GPHN: variants seen among roughly 807,000 people sequenced by gnomAD.
GPHN encodes the protein gephyrin.
In GPHN, 17 loss-of-function variants were observed where a neutral mutation model predicts 95.5. The ratio of observed to expected loss-of-function variants is 0.18; its 90% CI spans 0.12 to 0.27. The LOEUF is 0.27. Among genes scored for constraint, GPHN ranks in the 10% least tolerant of loss-of-function variants. GPHN has a pLI of 1.00. For missense variants in GPHN, 660 were observed against 978.1 expected (o/e 0.67, Z 4.34); for synonymous variants, 320 against 322.5 (o/e 0.99, Z 0.08).
At position 66,867,123 on chromosome 14, in the gene GPHN, A is replaced by G. The variant is rs1439412812; in HGVS notation, c.295-12816A>G. ...GAAACGTTATCTGCTTCTTCCAGGAATTGAAGAAGATGTAAATATTTAAGA... is the reference window on the plus strand; with the variant it reads ...GAAACGTTATCTGCTTCTTCCAGGAGTTGAAGAAGATGTAAATATTTAAGA... On this transcript the variant is annotated intron_variant, in intron 4 of 22. Transcript: ENST00000478722. 7.2e-5 allele frequency among the ~76,000 whole-genome samples: 11 copies of G among 152,296 alleles called. No homozygotes were observed. The East Asian group carries it at 2.1e-3, about 29-fold the overall frequency.
chr14:66,644,859 A>T (rs2064643508), intron 1 of GPHN, among the ~76,000 whole-genome samples: 1 of 152,142 alleles, frequency 6.6e-6, no homozygotes, highest in South Asian at 2.1e-4. Flanking sequence ...TAAGCTAATG[A>T]TTATATTTAA....
chr14:67,569,906 C>T, the GPHN span: 1 of 1,565,268 alleles, frequency 6.4e-7, no homozygotes, highest in Non-Finnish European at 8.8e-7. Flanking sequence ...TCTCATTCCT[C>T]TCTTCCCTGC....
intron 2 of GPHN, among the ~76,000 whole-genome samples, chr14:66,718,372 T>A (rs1566863010): frequency 6.6e-6 from 1 of 152,072 alleles, no homozygotes; most frequent in African/African-American, 2.4e-5. Context: ...TCCCGATGGG[T>A]TCGTGGTCTC....
At position 66,998,117 on chromosome 14, in the gene GPHN, C is replaced by T. The variant is rs369413766; in HGVS notation, c.964-25516C>T. Among the ~76,000 whole-genome samples the T allele has an allele frequency of 8.5e-5, 13 of 152,276 alleles. No individual in the cohort carries two copies. The East Asian group carries it at 2.1e-3, about 25-fold the overall frequency. On this transcript the variant is annotated intron_variant, in intron 9 of 22. Transcript: ENST00000478722. ...CAGCATGTGTGCAGGAGGGCTCTCA[C>T]GTTGGAATGTGGAACTGGCTTCTTG...
chr14:67,164,284 A>AC (rs1555506533), intron 19 of GPHN, among the ~76,000 whole-genome samples: 2 of 151,546 alleles, frequency 1.3e-5, no homozygotes, highest in East Asian at 3.9e-4. Context: ...AAAAAAAAAA[A>AC]AAAAAAAAAC....
chr14:66,509,699 A>G (rs146004894), intron 1 of GPHN, among the ~76,000 whole-genome samples: 1 of 152,232 alleles, frequency 6.6e-6, no homozygotes, highest in African/African-American at 2.4e-5. Context: ...CAGTGATGTG[A>G]TTTCGGAAAA....
the GPHN span, among the ~76,000 whole-genome samples, chr14:67,371,648 C>T: frequency 6.6e-6 from 1 of 151,964 alleles, no homozygotes; most frequent in Non-Finnish European, 1.5e-5. Context: ...AGTTGTAACA[C>T]AATGGTAAAT....
intron 6 of GPHN, among the ~76,000 whole-genome samples, chr14:66,920,504 A>G (rs1168439882): frequency 6.8e-6 from 1 of 148,018 alleles, no homozygotes; most frequent in African/African-American, 2.5e-5. Flanking sequence ...GTATATAGAA[A>G]TTTTACTTTT....
chr14:66,534,752 A>G (rs1594856946), intron 1 of GPHN, among the ~76,000 whole-genome samples: 1 of 152,128 alleles, frequency 6.6e-6, no homozygotes, highest in African/African-American at 2.4e-5. Flanking sequence ...GTCAGTGTGC[A>G]CTGGCTTCTC....
chr14:67,579,450 G>C, the GPHN span: 1 of 757,406 alleles, frequency 1.3e-6, no homozygotes. Context: ...TGCATGAACA[G>C]GGAAGCTGAG....
At chr14:67,118,949 G>A (rs1436917226) in intron 16 of GPHN, among the ~76,000 whole-genome samples, 2 of 152,164 alleles carry the variant, frequency 1.3e-5, no homozygotes, top group African/African-American at 4.8e-5. Flanking sequence ...TCACAACTGG[G>A]AAGTCATAAG....
At chr14:67,127,694 A>C (rs562452671) in intron 17 of GPHN, among the ~76,000 whole-genome samples, 6 of 152,342 alleles carry the variant, frequency 3.9e-5, no homozygotes, top group African/African-American at 1.4e-4. Context: ...TTTTAAGCCA[A>C]AGGCTATGGA....
At chr14:66,775,898 CA>C (rs1258149673) in intron 2 of GPHN, among the ~76,000 whole-genome samples, 2 of 152,144 alleles carry the variant, frequency 1.3e-5, no homozygotes, top group African/African-American at 4.8e-5. Context: ...GCTGGGCACA[CA>C]CGTCTCTCTG....
the GPHN span, among the ~76,000 whole-genome samples, chr14:67,702,990 GT>G: frequency 1.1e-4 from 17 of 149,140 alleles, no homozygotes; most frequent in South Asian, 6.4e-4. Context: ...ACTTAAAAAA[GT>G]TTTTTTTTTG....
chr14:67,690,180 C>G, the GPHN span: 1 of 1,589,228 alleles, frequency 6.3e-7, no homozygotes, highest in Non-Finnish European at 8.6e-7. Context: ...CTCTCTGACT[C>G]ATGTCTCCAC....
At chr14:67,461,777 C>A in the GPHN span, among the ~76,000 whole-genome samples, 1 of 152,240 alleles carries the variant, frequency 6.6e-6, no homozygotes, top group Non-Finnish European at 1.5e-5. Context: ...TCCTGCTGGT[C>A]AGCAAATCTG....
the GPHN span, among the ~76,000 whole-genome samples, chr14:67,619,630 C>T: frequency 6.6e-6 from 1 of 152,270 alleles, no homozygotes; most frequent in Non-Finnish European, 1.5e-5. Flanking sequence ...CCGGCCGCCT[C>T]CCGCGAAGGG....
At chr14:67,417,769 G>A in the GPHN span, among the ~76,000 whole-genome samples, 3 of 151,348 alleles carry the variant, frequency 2.0e-5, no homozygotes, top group South Asian at 4.2e-4. Flanking sequence ...TTTGAGATGG[G>A]GTTTCACTCT....
the GPHN span, among the ~76,000 whole-genome samples, chr14:67,280,850 T>TCCTC: frequency 8.3e-6 from 1 of 120,118 alleles, no homozygotes; most frequent in Admixed American, 9.8e-5. Context: ...CTTCCTTCCT[T>TCCTC]CCTTCCCTCC....
Sources: allele counts gnomAD v4.1 joint callset (sites outside exome capture counted in the v4.1 genomes callset), GRCh38; gene constraint gnomAD v4.1.1; transcripts MANE v1.5; gene names NCBI Gene and HGNC (gene_info 2026-07-23, HGNC 2026-07-21).